HDAC4: variants seen among roughly 807,000 people sequenced by gnomAD.
The protein encoded by HDAC4 is histone deacetylase A.
In HDAC4, 16 loss-of-function variants were observed where a neutral mutation model predicts 135.1. That is an observed-to-expected ratio of 0.12 (90% CI 0.08 to 0.18). The LOEUF (loss-of-function observed/expected upper bound fraction) is 0.18, where lower values mean the gene tolerates loss of function less well. Among genes scored for constraint, HDAC4 ranks in the 10% least tolerant of loss-of-function variants. HDAC4 has a pLI of 1.00. For missense variants in HDAC4, 1,143 were observed against 1,511.8 expected, an observed-to-expected ratio of 0.76 and a Z score of 4.05; for synonymous variants, 685 against 653.4, an observed-to-expected ratio of 1.05 and a Z score of -0.74.
chr2:239,092,030 C>T (rs1355627782), intron 17 of HDAC4: 1 of 152,280 alleles, frequency 6.6e-6, no homozygotes, highest in Non-Finnish European at 1.5e-5. Flanking sequence ...GAGATCGCGC[C>T]ACTGCACTCC....
chr2:239,133,826 G>T (rs1297475473), intron 11 of HDAC4, among the ~76,000 whole-genome samples: 3 of 152,284 alleles, frequency 2.0e-5, no homozygotes, highest in East Asian at 3.9e-4. Context: ...AATTTCATAA[G>T]GACGTTCCCA....
At chr2:239,261,805 C>A (rs1365887291) in intron 2 of HDAC4, among the ~76,000 whole-genome samples, 1 of 152,220 alleles carries the variant, frequency 6.6e-6, no homozygotes, top group Non-Finnish European at 1.5e-5. Flanking sequence ...CACCCCAGAA[C>A]CTTCCCTCGC....
At chr2:239,320,328 G>A (rs2053265213) in intron 2 of HDAC4, among the ~76,000 whole-genome samples, 1 of 145,474 alleles carries the variant, frequency 6.9e-6, no homozygotes, top group Non-Finnish European at 1.5e-5. Context: ...GGTGCAGTGA[G>A]TCGAGATCGC....
chr2:239,145,488 C>T (rs546555278), intron 7 of HDAC4, among the ~76,000 whole-genome samples: 11 of 152,348 alleles, frequency 7.2e-5, no homozygotes, highest in East Asian at 1.9e-4. Flanking sequence ...CCCAAACCTC[C>T]GGCGCGAGGC....
At chr2:239,366,103 C>A (rs1214846874) in intron 1 of HDAC4, among the ~76,000 whole-genome samples, 1 of 143,628 alleles carries the variant, frequency 7.0e-6, no homozygotes, top group African/African-American at 2.6e-5. Flanking sequence ...GCAGGGTCGT[C>A]AGGGTCACGC....
In HDAC4 at chr2:239,179,341, C is replaced by A. The variant is rs138542866; in HGVS notation, c.340-2778G>T. Among the ~76,000 whole-genome samples the A allele has an allele frequency of 5.0e-4, 76 of 152,308 alleles. 5 individuals are homozygous for A. In the East Asian group the frequency reaches 0.013, roughly 26 times the overall value. ...CCCTGGCCTGTTAGGAAATGGGCCA[C>A]AAAGCAGGAGGTAAGTGGCAGGCTA... On this transcript the variant is annotated intron_variant, in intron 4 of 26. Coordinates refer to ENST00000543185, the MANE Select transcript of HDAC4 (RefSeq NM_001378414.1).
chr2:239,124,443 C>T (rs1482187259), intron 12 of HDAC4, among the ~76,000 whole-genome samples: 3 of 152,254 alleles, frequency 2.0e-5, no homozygotes, highest in African/African-American at 4.8e-5. Context: ...CAAGGCTTCC[C>T]GTGCTGCCGC....
intron 16 of HDAC4, among the ~76,000 whole-genome samples, chr2:239,099,907 G>T (rs1199369453): frequency 1.3e-5 from 2 of 152,242 alleles, no homozygotes; most frequent in Non-Finnish European, 2.9e-5. Context: ...GCTTCCTGAG[G>T]AAGAACAGCT....
intron 1 of HDAC4, among the ~76,000 whole-genome samples, chr2:239,379,637 G>A (rs975702481): frequency 2.0e-5 from 3 of 152,120 alleles, no homozygotes; most frequent in Non-Finnish European, 2.9e-5. Context: ...CCACCTTGGT[G>A]GCCCAGTCAT....
intron 7 of HDAC4, among the ~76,000 whole-genome samples, 200 bp from the exon 8 acceptor site, chr2:239,144,914 C>T (rs929241265): frequency 2.0e-5 from 3 of 152,266 alleles, no homozygotes; most frequent in East Asian, 3.9e-4. Flanking sequence ...ATGAATAAAA[C>T]GAATCTGGTG....
chr2:239,162,044 G>T (rs1028980155), intron 6 of HDAC4: 1 of 443,152 alleles, frequency 2.3e-6, no homozygotes, highest in Admixed American at 2.4e-5. Flanking sequence ...GCGAGGGGGC[G>T]CCAGCTCCCC....
chr2:239,267,964 C>T (rs555822082), intron 2 of HDAC4, among the ~76,000 whole-genome samples: 13 of 152,356 alleles, frequency 8.5e-5, no homozygotes, highest in South Asian at 2.1e-4. Flanking sequence ...AAATATCAAG[C>T]ACTTAAAACA....
chr2:239,268,898 A>G (rs1310131078), intron 2 of HDAC4, among the ~76,000 whole-genome samples: 2 of 152,218 alleles, frequency 1.3e-5, no homozygotes, highest in Non-Finnish European at 2.9e-5. Context: ...GAAAGAAACA[A>G]AGAAATGGCG....
At chr2:239,323,340 G>A (rs146416388) in intron 2 of HDAC4, among the ~76,000 whole-genome samples, 6 of 152,270 alleles carry the variant, frequency 3.9e-5, no homozygotes, top group African/African-American at 1.4e-4. Context: ...TCTGAACTGT[G>A]TGCCTCCCAG....
chr2:239,098,276 C>T (rs2037297517), intron 16 of HDAC4, among the ~76,000 whole-genome samples: 1 of 152,218 alleles, frequency 6.6e-6, no homozygotes, highest in Non-Finnish European at 1.5e-5. Flanking sequence ...ACGTTCCAGC[C>T]TGGTGACAGG....
intron 2 of HDAC4, among the ~76,000 whole-genome samples, chr2:239,249,284 T>A (rs1004258122): frequency 2.6e-5 from 4 of 152,216 alleles, no homozygotes; most frequent in Admixed American, 6.5e-5. Flanking sequence ...CCATTCCGAC[T>A]TCAGCCACCA....
At chr2:239,261,507 A>C (rs1360111207) in intron 2 of HDAC4, among the ~76,000 whole-genome samples, 1 of 152,118 alleles carries the variant, frequency 6.6e-6, no homozygotes, top group East Asian at 1.9e-4. Context: ...GCATCCTAGG[A>C]CATGACAAAA....
chr2:239,171,465 G>C (rs1236959822), intron 5 of HDAC4, among the ~76,000 whole-genome samples: 1 of 152,124 alleles, frequency 6.6e-6, no homozygotes, highest in Non-Finnish European at 1.5e-5. Context: ...AAAAGAAAAA[G>C]GAAACAAAGA....
At chr2:239,251,086 G>A (rs1225652298) in intron 2 of HDAC4, among the ~76,000 whole-genome samples, 1 of 152,232 alleles carries the variant, frequency 6.6e-6, no homozygotes, top group Non-Finnish European at 1.5e-5. Context: ...GGTGGAAAGG[G>A]CCTTTCCACA....
Sources: gnomAD v4.1 joint callset for allele counts (sites outside exome capture counted in the v4.1 genomes callset) on GRCh38, gnomAD v4.1.1 for gene constraint, MANE v1.5 for transcripts, NCBI Gene and HGNC (gene_info 2026-07-23, HGNC 2026-07-21) for gene names.